The following CSMD1 variants were observed in gnomAD, a reference collection of about 807,000 sequenced individuals.
CSMD1 encodes the protein CUB and Sushi multiple domains 1.
In CSMD1, 213 loss-of-function variants were observed where a neutral mutation model predicts 417.5. That is an observed-to-expected ratio of 0.51 (90% CI 0.46 to 0.57). The LOEUF (loss-of-function observed/expected upper bound fraction) is 0.57. Among genes scored for constraint, CSMD1 ranks in the 20% least tolerant of loss-of-function variants. The pLI is 0.00. For synonymous variants in CSMD1, 2,862 were observed against 1,736.8 expected (o/e 1.65, Z -16.11); for missense variants, 6,923 against 4,529.7 (o/e 1.53, Z -15.17).
At chr8:4,015,950 G>A (rs969219045) in intron 4 of CSMD1, among the ~76,000 whole-genome samples, 1 of 152,162 alleles carries the variant, frequency 6.6e-6, no homozygotes, top group African/African-American at 2.4e-5. Context: ...CTGCCCCCAA[G>A]AAGGTTGCCG....
intron 5 of CSMD1, among the ~76,000 whole-genome samples, chr8:3,975,723 A>C (rs772050393): frequency 6.6e-6 from 1 of 152,236 alleles, no homozygotes; most frequent in Non-Finnish European, 1.5e-5. Flanking sequence ...ACTTCATTAC[A>C]TGCAAACTTT....
chr8:3,151,558 C>G (rs768291437), intron 39 of CSMD1, 45 bp from the exon 40 acceptor site: 43 of 1,278,196 alleles, frequency 3.4e-5, no homozygotes, highest in Middle Eastern at 1.8e-4. Flanking sequence ...CTCACTTTCT[C>G]CCTGGAATCT....
At chr8:3,817,456 T>G (rs1003879491) in intron 5 of CSMD1, among the ~76,000 whole-genome samples, 1 of 151,642 alleles carries the variant, frequency 6.6e-6, no homozygotes, top group African/African-American at 2.4e-5. Context: ...CATTTTTGTG[T>G]TTTTAGTAGA....
chr8:3,930,504 G>A (rs918132920), intron 5 of CSMD1, among the ~76,000 whole-genome samples: 1 of 150,242 alleles, frequency 6.7e-6, no homozygotes, highest in Non-Finnish European at 1.5e-5. Context: ...TCCTTCCTTT[G>A]TTCTCCTCTG....
At chr8:3,920,176 G>C (rs1243716588) in intron 5 of CSMD1, among the ~76,000 whole-genome samples, 7 of 152,010 alleles carry the variant, frequency 4.6e-5, no homozygotes, top group African/African-American at 1.2e-4. Flanking sequence ...TGGGACTACA[G>C]GTGTGTGCCA....
chr8:4,053,049 G>C (rs942624938), intron 3 of CSMD1, among the ~76,000 whole-genome samples: 1 of 152,158 alleles, frequency 6.6e-6, no homozygotes, highest in Non-Finnish European at 1.5e-5. Context: ...CTAACCAGAG[G>C]AGTCCTTGGG....
At chr8:4,170,026 G>T (rs571738461) in intron 3 of CSMD1, among the ~76,000 whole-genome samples, 2 of 151,720 alleles carry the variant, frequency 1.3e-5, no homozygotes, top group Admixed American at 6.6e-5. Flanking sequence ...ATCAATAAGA[G>T]ATTAAATAAT....
chr8:4,368,051 T>C (rs541232181), intron 3 of CSMD1, among the ~76,000 whole-genome samples: 5 of 152,328 alleles, frequency 3.3e-5, no homozygotes, highest in African/African-American at 1.2e-4. Flanking sequence ...AGTACTATGT[T>C]GAATAGTGGT....
chr8:4,422,341 T>C (rs1224985704), intron 2 of CSMD1, among the ~76,000 whole-genome samples: 1 of 152,066 alleles, frequency 6.6e-6, no homozygotes, highest in Admixed American at 6.6e-5. Context: ...CTCCCACCAA[T>C]TCATATACTG....
chr8:3,697,441 CTAAT>C (rs530501996), intron 7 of CSMD1, among the ~76,000 whole-genome samples: 2 of 152,116 alleles, frequency 1.3e-5, no homozygotes, highest in African/African-American at 2.4e-5. Flanking sequence ...TATATCAAGG[CTAAT>C]TAATTATCTT....
intron 7 of CSMD1, among the ~76,000 whole-genome samples, chr8:3,645,749 G>A (rs563547052): frequency 6.6e-6 from 1 of 152,278 alleles, no homozygotes; most frequent in Admixed American, 6.5e-5. Context: ...GGAGGCAAAA[G>A]TTAGGTTATT....
intron 49 of CSMD1, among the ~76,000 whole-genome samples, chr8:3,062,268 C>G (rs1035877944): frequency 6.6e-6 from 1 of 151,950 alleles, no homozygotes; most frequent in Non-Finnish European, 1.5e-5. Flanking sequence ...ACCATTAATA[C>G]CATGCTGAAG....
At chr8:4,187,614 T>C (rs1365472518) in intron 3 of CSMD1, among the ~76,000 whole-genome samples, 1 of 136,534 alleles carries the variant, frequency 7.3e-6, no homozygotes, top group African/African-American at 2.8e-5. Context: ...ATGTGGAGGT[T>C]GCAGTGAGCC....
At chr8:3,945,544 AC>A (rs138153225) in intron 5 of CSMD1, among the ~76,000 whole-genome samples, 7,240 of 152,236 alleles carry the variant, frequency 0.048, 196 homozygotes, top group Admixed American at 0.065. Context: ...GATTCATATA[AC>A]TTTTGAGAGA....
At chr8:3,869,452 C>T (rs143418078) in intron 5 of CSMD1, among the ~76,000 whole-genome samples, 2,262 of 152,264 alleles carry the variant, frequency 0.015, 40 homozygotes, top group South Asian at 0.055. Context: ...TAAAGCGTGT[C>T]TCACCTTAGT....
intron 11 of CSMD1, among the ~76,000 whole-genome samples, chr8:3,469,389 T>C (rs748988324): frequency 6.6e-6 from 1 of 152,192 alleles, no homozygotes; most frequent in African/African-American, 2.4e-5. Context: ...AAGAACAACA[T>C]GCATAGCTGA....
chr8:4,826,821 C>T (rs555273539), intron 1 of CSMD1, among the ~76,000 whole-genome samples: 7 of 152,238 alleles, frequency 4.6e-5, no homozygotes, highest in Admixed American at 6.5e-5. Flanking sequence ...CCAAATCTTA[C>T]GACTCTATAA....
chr8:3,239,499 G>A (rs553960859), intron 26 of CSMD1, among the ~76,000 whole-genome samples: 2 of 152,322 alleles, frequency 1.3e-5, no homozygotes, highest in Non-Finnish European at 2.9e-5. Context: ...CTGACTCGGG[G>A]CATGTTGAGT....
intron 1 of CSMD1, among the ~76,000 whole-genome samples, chr8:4,927,354 G>A (rs575943088): frequency 1.3e-5 from 2 of 152,084 alleles, no homozygotes; most frequent in South Asian, 2.1e-4. Context: ...CACCACGCCC[G>A]GCCAAATGCA....
Sources: gnomAD v4.1 joint callset for allele counts (sites outside exome capture counted in the v4.1 genomes callset) on GRCh38, gnomAD v4.1.1 for gene constraint, MANE v1.5 for transcripts, NCBI Gene and HGNC (gene_info 2026-07-23, HGNC 2026-07-21) for gene names.